The following PBX1 variants were observed in gnomAD, a reference collection of about 807,000 sequenced individuals.
PBX1 encodes pre-B-cell leukemia transcription factor 1.
PBX1 carries 6 observed loss-of-function variants against 53.4 expected under a neutral mutation model. That is an observed-to-expected ratio of 0.11 (90% CI 0.06 to 0.22). The LOEUF is 0.22. PBX1 is among the 10% of genes least tolerant of loss of function. PBX1 has a pLI of 1.00. For synonymous variants in PBX1, 204 were observed against 212.3 expected (o/e 0.96, Z 0.34); for missense variants, 251 against 551.4 (o/e 0.46, Z 5.46).
At chr1:164,745,449 G>A (rs1665841913) in intron 2 of PBX1, among the ~76,000 whole-genome samples, 1 of 152,062 alleles carries the variant, frequency 6.6e-6, no homozygotes, top group Non-Finnish European at 1.5e-5. Context: ...TTTCACCAAA[G>A]TGCTCTAATA....
Position 164,821,589 on chromosome 1 carries a change from T to C in PBX1, c.1163T>C (p.Leu388Pro). 1 of 1,614,108 alleles carries C rather than the reference T, an allele frequency of 6.2e-7. No homozygotes were observed. The highest frequency in any genetic ancestry group is 8.5e-7 in the Non-Finnish European group (1 of 1,179,978). Residue 388 changes from leucine to proline, a missense_variant, in exon 8 of 9, where the codon CTC becomes CCC. Physicochemically the swap from Leu to Pro is moderately conservative, Grantham distance 98. This residue lies in a region of PBX1 where 92 missense variants were observed against 130.4 expected (regional missense o/e 0.71). Coordinates refer to ENST00000420696, the MANE Select transcript of PBX1 (RefSeq NM_002585.4). ...CAGACAGGAGGATACAGTGATGGAC[T>C]CGCAGCCAGTCAGATGTACAGTCCG... is the stretch of plus-strand genomic sequence containing the variant. ...ISQTGGYSDG[L>P]AASQMYSPQG...
chr1:164,621,823 C>T (rs1657699861), intron 2 of PBX1, among the ~76,000 whole-genome samples: 1 of 152,042 alleles, frequency 6.6e-6, no homozygotes, highest in East Asian at 1.9e-4. Flanking sequence ...ATCGAATAGG[C>T]ATTTGGGTAG....
chr1:164,663,108 A>G (rs1399421452), intron 2 of PBX1, among the ~76,000 whole-genome samples: 3 of 152,138 alleles, frequency 2.0e-5, no homozygotes, highest in African/African-American at 7.2e-5. Flanking sequence ...CAGTCAAAGG[A>G]ATGACTTAAG....
At chr1:164,834,957 G>A (rs1381662386) in intron 8 of PBX1, among the ~76,000 whole-genome samples, 2 of 152,138 alleles carry the variant, frequency 1.3e-5, no homozygotes, top group Non-Finnish European at 2.9e-5. Flanking sequence ...AGAAAATTTG[G>A]AGAATTCAGG....
intron 2 of PBX1, among the ~76,000 whole-genome samples, chr1:164,879,433 G>T (rs1432768361): frequency 6.6e-6 from 1 of 152,216 alleles, no homozygotes; most frequent in African/African-American, 2.4e-5. Flanking sequence ...CTTGGTAAAT[G>T]TGAGCAACCG....
chr1:164,663,378 G>C (rs1660626122), intron 2 of PBX1, among the ~76,000 whole-genome samples: 1 of 151,492 alleles, frequency 6.6e-6, no homozygotes, highest in South Asian at 2.1e-4. Flanking sequence ...TTAGAGATTT[G>C]GTCAGAGTAG....
At chr1:164,759,504 T>C (rs906944209) in intron 2 of PBX1, among the ~76,000 whole-genome samples, 2 of 152,244 alleles carry the variant, frequency 1.3e-5, no homozygotes, top group African/African-American at 4.8e-5. Flanking sequence ...CTCCCATTTA[T>C]GATTTCTTTT....
At position 164,636,570 on chromosome 1, in the gene PBX1, T is replaced by A. The variant is rs115978084; in HGVS notation, c.265+73259T>A. Among the ~76,000 whole-genome samples the A allele has an allele frequency of 4.1e-3, 619 of 152,256 alleles. 4 individuals are homozygous for A. The highest frequency in any genetic ancestry group is 5.9e-3 in the Non-Finnish European group (398 of 68,014). On this transcript the variant is annotated intron_variant, in intron 2 of 8. Coordinates refer to ENST00000420696, the MANE Select transcript of PBX1 (RefSeq NM_002585.4). ...CTTGATTTTTAGTGGGGTTGGGGTGTTTTATGAGTACTAAGGTCACATTGA... is the reference window on the plus strand; with the variant it reads ...CTTGATTTTTAGTGGGGTTGGGGTGATTTATGAGTACTAAGGTCACATTGA...
At chr1:164,589,971 G>C (rs1229268775) in intron 2 of PBX1, among the ~76,000 whole-genome samples, 1 of 152,190 alleles carries the variant, frequency 6.6e-6, no homozygotes, top group Non-Finnish European at 1.5e-5. Flanking sequence ...CATTTTGGGA[G>C]GCTGAGGTGA....
chr1:164,819,652 T>G (rs1342815762), intron 6 of PBX1: 1 of 158,580 alleles, frequency 6.3e-6, no homozygotes, highest in Non-Finnish European at 1.4e-5. Flanking sequence ...GAATAGTTTA[T>G]GTGCTCTATC....
intron 2 of PBX1, among the ~76,000 whole-genome samples, chr1:164,764,551 G>A (rs769967284): frequency 6.6e-6 from 1 of 152,138 alleles, no homozygotes; most frequent in African/African-American, 2.4e-5. Flanking sequence ...GAAACTTATG[G>A]TGCTGCCTGC....
At chr1:164,693,235 C>T (rs890425079) in intron 2 of PBX1, among the ~76,000 whole-genome samples, 1 of 152,184 alleles carries the variant, frequency 6.6e-6, no homozygotes, top group African/African-American at 2.4e-5. Flanking sequence ...GGTTCATGCT[C>T]GCTGTTGCAG....
At chr1:164,561,868 G>A (rs939227793) in intron 1 of PBX1, among the ~76,000 whole-genome samples, 4 of 151,642 alleles carry the variant, frequency 2.6e-5, no homozygotes, top group Non-Finnish European at 5.9e-5. Flanking sequence ...TTTGCATTTG[G>A]GCCTATATAT....
intron 2 of PBX1, among the ~76,000 whole-genome samples, chr1:164,661,260 A>G (rs190513587): frequency 1.4e-4 from 22 of 152,250 alleles, no homozygotes; most frequent in African/African-American, 5.3e-4. Context: ...ACACCTGTGA[A>G]TGAATCCAGC....
intron 2 of PBX1, among the ~76,000 whole-genome samples, chr1:164,872,595 A>C (rs1411962767): frequency 6.6e-6 from 1 of 152,194 alleles, no homozygotes; most frequent in South Asian, 2.1e-4. Flanking sequence ...AGAGGAGATG[A>C]GCATTATTTT....
intron 2 of PBX1, among the ~76,000 whole-genome samples, chr1:164,859,487 T>C (rs772123748): frequency 1.3e-5 from 2 of 152,214 alleles, no homozygotes; most frequent in Non-Finnish European, 2.9e-5. Context: ...GCTCTTTCAC[T>C]TGTAGGTCTG....
intron 7 of PBX1, among the ~76,000 whole-genome samples, 154 bp from the exon 8 acceptor site, chr1:164,821,383 A>G (rs1240694855): frequency 2.0e-5 from 3 of 152,184 alleles, no homozygotes; most frequent in Non-Finnish European, 4.4e-5. Context: ...GGAGGAAGCT[A>G]GCCTCCTCCT....
intron 2 of PBX1, chr1:164,626,033 G>A (rs570816663): frequency 3.3e-5 from 34 of 1,041,302 alleles, no homozygotes; most frequent in East Asian, 1.1e-4. Flanking sequence ...TTCTACCTCC[G>A]GGAACCCCGT....
At chr1:164,788,049 AG>A (rs1467742025) in intron 2 of PBX1, among the ~76,000 whole-genome samples, 1 of 151,466 alleles carries the variant, frequency 6.6e-6, no homozygotes. Context: ...AACCTATTTC[AG>A]AAAAAAGCTG....
Sources: allele counts gnomAD v4.1 joint callset (sites outside exome capture counted in the v4.1 genomes callset), GRCh38; gene constraint gnomAD v4.1.1; regional missense constraint gnomAD v4.1.1; transcripts MANE v1.5; gene names NCBI Gene and HGNC (gene_info 2026-07-23, HGNC 2026-07-21).